ATP11A: variants seen among roughly 807,000 people sequenced by gnomAD.
The protein encoded by ATP11A is phospholipid-transporting ATPase IH.
A neutral mutation model predicts 154.4 loss-of-function variants in ATP11A; 81 were observed. The observed-to-expected ratio is 0.52, with a 90% CI of 0.44 to 0.63. The LOEUF is 0.63. Ranked by LOEUF, ATP11A falls within the 30% of genes least tolerant of loss-of-function variation. The probability of loss-of-function intolerance (pLI) is 0.00; values close to 1 mark genes in which losing one functional copy is unlikely to be tolerated. For missense variants in ATP11A, 1,316 were observed against 1,474.3 expected (o/e 0.89, Z 1.76); for synonymous variants, 623 against 585.9 (o/e 1.06, Z -0.91).
In ATP11A at chr13:112,806,293, G is replaced by A. The variant is rs763426728; in HGVS notation, c.333G>A (p.Gln111=). The A allele has an allele frequency of 6.2e-7, 1 of 1,610,900 alleles. No individual in the cohort carries two copies. Among genetic ancestry groups the A allele is most frequent in the Non-Finnish European group, 8.5e-7 (1 of 1,177,920 alleles). The change falls in exon 4 of 30, where the codon CAG becomes CAA. Residue 111 remains glutamine, a splice_region_variant and synonymous_variant. Transcript: ENST00000375645. ...FFVITVTAIK[Q]GYEDWLRHKA... is the part of the protein sequence containing the mutation. Reference sequence around the variant, plus strand: ...TCATTACTGTGACGGCTATCAAACAGGTAAGCATTTTACAGACGAAAAAGA... The same window carrying A: ...TCATTACTGTGACGGCTATCAAACAAGTAAGCATTTTACAGACGAAAAAGA...
chr13:112,713,038 C>T (rs1397238937), intron 1 of ATP11A, among the ~76,000 whole-genome samples: 1 of 152,252 alleles, frequency 6.6e-6, no homozygotes, highest in African/African-American at 2.4e-5. Context: ...GCACGCTCGA[C>T]TGTATTTCAG....
In ATP11A at chr13:112,729,774, G is replaced by A. The variant is rs147923795; in HGVS notation, c.39+39319G>A. Among the ~76,000 whole-genome samples the A allele has an allele frequency of 1.1e-4, 17 of 152,378 alleles. No individual in the cohort carries two copies. In the East Asian group the frequency reaches 3.3e-3, roughly 29 times the overall value. On this transcript the variant is annotated intron_variant, in intron 1 of 29. Coordinates refer to ENST00000375645, the MANE Select transcript of ATP11A (RefSeq NM_015205.3). ...GCCGCTGAATCTCACGGAGGCTTCAGAAGTTGTGATGCTGGCCCCTCAGCT... is the reference window on the plus strand; with the variant it reads ...GCCGCTGAATCTCACGGAGGCTTCAAAAGTTGTGATGCTGGCCCCTCAGCT...
chr13:112,749,793 T>C (rs12864418), intron 1 of ATP11A, among the ~76,000 whole-genome samples: 11,133 of 124,096 alleles, frequency 0.09, 473 homozygotes, highest in Middle Eastern at 0.12. Flanking sequence ...TGCTGAAGGA[T>C]GCGGGGTTGA....
intron 29 of ATP11A, among the ~76,000 whole-genome samples, chr13:112,878,613 A>C (rs996041459): frequency 6.6e-6 from 1 of 152,240 alleles, no homozygotes. Flanking sequence ...CCCCTCACAC[A>C]GGTGTCAGAG....
chr13:112,753,204 G>A lies in ATP11A; in HGVS notation c.40-31931G>A, dbSNP rs1259764638. ...GGCGTGCATGTGTCTGCACAGCTGC[G>A]TGATGTTCCCCTGTGGACTCAACCT... On this transcript the variant is annotated intron_variant, in intron 1 of 29. Transcript: ENST00000375645. This position sits in a 1 kb window ranked among gnomAD's most constrained non-coding sequence, Gnocchi z 4.1. Among the ~76,000 whole-genome samples, 13 of 152,156 alleles carry A rather than the reference G, an allele frequency of 8.5e-5. No homozygotes were observed. The highest frequency in any genetic ancestry group is 1.8e-4 in the Non-Finnish European group (12 of 68,040).
intron 1 of ATP11A, among the ~76,000 whole-genome samples, chr13:112,777,676 C>A (rs1052396348): frequency 2.0e-5 from 3 of 152,232 alleles, no homozygotes; most frequent in Non-Finnish European, 4.4e-5. Context: ...CTGTGCTGTG[C>A]GGTTACAGCT....
At position 112,858,182 on chromosome 13, in the gene ATP11A, C is replaced by T. The variant is rs1594195536; in HGVS notation, c.2559C>T (p.Asn853=). 3 of 1,613,968 alleles carry T rather than the reference C, an allele frequency of 1.9e-6. No individual in the cohort carries two copies. In the Admixed American group the frequency reaches 5.0e-5, roughly 27 times the overall value. ...AGGAAGGCCGCCAGGCTGCCAGGAA[C>T]AGCGACTATGCAATCCCAAAGTTTA... ...IGKEGRQAAR[N]SDYAIPKFKH... Residue 853 remains asparagine (N), a synonymous_variant, in exon 22 of 30, where the codon AAC becomes AAT. Coordinates refer to ENST00000375645, the MANE Select transcript of ATP11A (RefSeq NM_015205.3).
intron 1 of ATP11A, among the ~76,000 whole-genome samples, chr13:112,726,486 C>G (rs977151228): frequency 2.0e-5 from 3 of 152,222 alleles, no homozygotes; most frequent in Non-Finnish European, 4.4e-5. Flanking sequence ...AGTTGTACTT[C>G]CGAGAGCTTT....
chr13:112,825,320 T>C, intron 10 of ATP11A, 110 bp from the exon 11 acceptor site: 1 of 1,264,176 alleles, frequency 7.9e-7, no homozygotes, highest in Non-Finnish European at 1.1e-6. Flanking sequence ...CACATCACTG[T>C]GCCCTTCCTA....
At chr13:112,777,382 G>A (rs1214528680) in intron 1 of ATP11A, among the ~76,000 whole-genome samples, 3 of 152,134 alleles carry the variant, frequency 2.0e-5, no homozygotes, top group Non-Finnish European at 4.4e-5. Context: ...TGGCCAACAC[G>A]GTGAAACCCA....
intron 16 of ATP11A, among the ~76,000 whole-genome samples, chr13:112,837,936 G>A (rs1382188514): frequency 1.3e-5 from 2 of 151,992 alleles, no homozygotes; most frequent in African/African-American, 2.4e-5. Context: ...GGCTGCTCTG[G>A]GGGGCTGCCG....
intron 1 of ATP11A, among the ~76,000 whole-genome samples, chr13:112,755,027 AGTAGCCAG>A (rs1440952613): frequency 1.3e-5 from 2 of 152,322 alleles, no homozygotes; most frequent in South Asian, 4.1e-4. Flanking sequence ...GCTGTGCCCT[AGTAGCCAG>A]GGCGCCGTCG....
At chr13:112,828,136 G>GAGTGGGGGGAAAGCACCCAGCAGTGTTA (rs2078984798) in intron 12 of ATP11A, among the ~76,000 whole-genome samples, 1 of 129,668 alleles carries the variant, frequency 7.7e-6, no homozygotes, top group African/African-American at 2.9e-5. Flanking sequence ...CAGCAGCGTT[G>GAGTGGGGGGAAAGCACCCAGCAGTGTTA]AGTAGGGGGG....
At chr13:112,707,753 G>A (rs1424102234) in intron 1 of ATP11A, among the ~76,000 whole-genome samples, 1 of 152,102 alleles carries the variant, frequency 6.6e-6, no homozygotes, top group East Asian at 1.9e-4. Context: ...TGTAACGTGC[G>A]CCGAAAAGTG....
intron 15 of ATP11A, among the ~76,000 whole-genome samples, chr13:112,835,556 G>A (rs951640183): frequency 6.6e-6 from 1 of 152,154 alleles, no homozygotes; most frequent in African/African-American, 2.4e-5. Flanking sequence ...TGGCCTAGAT[G>A]AGAGCCCCCA....
At chr13:112,767,963 G>C (rs1356040231) in intron 1 of ATP11A, among the ~76,000 whole-genome samples, 1 of 152,138 alleles carries the variant, frequency 6.6e-6, no homozygotes, top group African/African-American at 2.4e-5. Context: ...ACCAAGCGCT[G>C]GTCACAGAAA....
At chr13:112,702,708 T>C (rs943835193) in intron 1 of ATP11A, among the ~76,000 whole-genome samples, 3 of 142,052 alleles carry the variant, frequency 2.1e-5, no homozygotes, top group Non-Finnish European at 4.7e-5. Context: ...AAGCGGTAAC[T>C]AAACTTGTCT....
At position 112,732,700 on chromosome 13, in the gene ATP11A, C is replaced by T. The variant is rs918764780; in HGVS notation, c.39+42245C>T. Among the ~76,000 whole-genome samples the T allele has an allele frequency of 2.6e-5, 4 of 152,328 alleles. No individual in the cohort carries two copies. The South Asian group carries it at 8.3e-4, about 32-fold the overall frequency. On this transcript the variant is annotated intron_variant, in intron 1 of 29. Coordinates refer to ENST00000375645, the MANE Select transcript of ATP11A (RefSeq NM_015205.3). ...GATCTCGGCTCACTGCAACCTCCCC[C>T]TCCCAGGTTCAAGCGATTCTTACGC...
chr13:112,837,100 G>C (rs548469330), intron 16 of ATP11A, among the ~76,000 whole-genome samples: 28 of 152,328 alleles, frequency 1.8e-4, no homozygotes, highest in African/African-American at 6.7e-4. Context: ...GGCGCCCCTG[G>C]CTGTTTGCCC....
Sources: gnomAD v4.1 joint callset for allele counts (sites outside exome capture counted in the v4.1 genomes callset) on GRCh38, gnomAD v4.1.1 for gene constraint, Gnocchi (gnomAD v3.1) non-coding constraint, MANE v1.5 for transcripts, NCBI Gene and HGNC (gene_info 2026-07-23, HGNC 2026-07-21) for gene names.